Variants in PXDNL observed in about 807,000 individuals in gnomAD.
PXDNL encodes peroxidasin like, also known as probable oxidoreductase PXDNL.
In PXDNL, 145 loss-of-function variants were observed where a neutral mutation model predicts 150.8. The observed-to-expected ratio is 0.96, with a 90% CI of 0.84 to 1.10. The LOEUF (loss-of-function observed/expected upper bound fraction) is 1.10, where lower values mean the gene tolerates loss of function less well. PXDNL is among the 50% of genes least tolerant of loss of function. PXDNL has a pLI of 0.00. For missense variants in PXDNL, 2,087 were observed against 1,873.9 expected, an observed-to-expected ratio of 1.11 and a Z score of -2.10; for synonymous variants, 757 against 725.7, an observed-to-expected ratio of 1.04 and a Z score of -0.69.
At chr8:51,467,838 G>A (rs541340457) in intron 8 of PXDNL, among the ~76,000 whole-genome samples, 5 of 151,958 alleles carry the variant, frequency 3.3e-5, no homozygotes, top group Non-Finnish European at 2.9e-5. Flanking sequence ...ACTAACCTTC[G>A]TTCTGAGCTT....
intron 4 of PXDNL, among the ~76,000 whole-genome samples, chr8:51,516,729 A>T (rs1811549448): frequency 6.6e-6 from 1 of 152,150 alleles, no homozygotes; most frequent in Admixed American, 6.5e-5. Flanking sequence ...TACATCGTAA[A>T]TCATTCCTTG....
intron 1 of PXDNL, among the ~76,000 whole-genome samples, chr8:51,742,267 A>AG (rs1474770672): frequency 3.3e-5 from 5 of 152,182 alleles, no homozygotes; most frequent in African/African-American, 9.7e-5. Context: ...GGACTGTAAA[A>AG]GGGGGGCAGG....
At chr8:51,573,158 A>G (rs968746844) in intron 3 of PXDNL, among the ~76,000 whole-genome samples, 5 of 151,992 alleles carry the variant, frequency 3.3e-5, no homozygotes, top group African/African-American at 1.2e-4. Context: ...AGAAGAAACT[A>G]TGGTTGCACT....
At chr8:51,486,750 T>TTTTA (rs1414472367) in intron 5 of PXDNL, among the ~76,000 whole-genome samples, 7 of 36,336 alleles carry the variant, frequency 1.9e-4, no homozygotes, top group African/African-American at 7.6e-4. Context: ...GTTAAAAAGT[T>TTTTA]TATATATATA....
At chr8:51,748,993 G>A (rs995035017) in intron 1 of PXDNL, among the ~76,000 whole-genome samples, 6 of 152,116 alleles carry the variant, frequency 3.9e-5, no homozygotes, top group Non-Finnish European at 1.5e-5. Flanking sequence ...GAATTTGAAG[G>A]CGTAACTAGT....
At chr8:51,769,794 A>G (rs907286671) in intron 1 of PXDNL, among the ~76,000 whole-genome samples, 1 of 152,122 alleles carries the variant, frequency 6.6e-6, no homozygotes, top group African/African-American at 2.4e-5. Context: ...AACTCCCACC[A>G]TCTTTCTTAT....
chr8:51,660,820 C>A (rs1220112618), intron 1 of PXDNL, among the ~76,000 whole-genome samples: 1 of 152,160 alleles, frequency 6.6e-6, no homozygotes, highest in Non-Finnish European at 1.5e-5. Flanking sequence ...TGCACTCCTG[C>A]CCTGCAGCCC....
chr8:51,702,743 T>C (rs1816282463), intron 1 of PXDNL, among the ~76,000 whole-genome samples: 2 of 152,206 alleles, frequency 1.3e-5, no homozygotes, highest in South Asian at 4.1e-4. Context: ...ATTGTTATCA[T>C]GTTCCCAGAA....
intron 4 of PXDNL, among the ~76,000 whole-genome samples, chr8:51,514,129 A>C (rs1811483232): frequency 6.6e-6 from 1 of 152,224 alleles, no homozygotes; most frequent in South Asian, 2.1e-4. Context: ...GATGCTTGAA[A>C]TCCTGAGCAT....
chr8:51,586,194 A>G (rs1023969069), intron 3 of PXDNL, among the ~76,000 whole-genome samples: 16 of 152,176 alleles, frequency 1.1e-4, no homozygotes, highest in Non-Finnish European at 2.9e-5. Flanking sequence ...CGTGGAAAGC[A>G]CTCATCCCTG....
chr8:51,571,072 C>T (rs527634721), intron 3 of PXDNL, among the ~76,000 whole-genome samples: 1 of 151,174 alleles, frequency 6.6e-6, no homozygotes, highest in South Asian at 2.1e-4. Flanking sequence ...AAATTTTTCA[C>T]CCCTTATATC....
chr8:51,323,582 C>A (rs1044898454), intron 21 of PXDNL, among the ~76,000 whole-genome samples: 1 of 152,128 alleles, frequency 6.6e-6, no homozygotes, highest in African/African-American at 2.4e-5. Context: ...AACCACCACA[C>A]CCTGCTCTAA....
intron 4 of PXDNL, among the ~76,000 whole-genome samples, chr8:51,551,449 C>T (rs193300904): frequency 3.3e-5 from 5 of 152,170 alleles, no homozygotes; most frequent in Admixed American, 2.0e-4. Context: ...AATACCAAAA[C>T]GGCATGGTAC....
chr8:51,677,619 A>AT (rs1444829839), intron 1 of PXDNL, among the ~76,000 whole-genome samples: 4 of 152,234 alleles, frequency 2.6e-5, no homozygotes, highest in Admixed American at 1.3e-4. Flanking sequence ...TTAAAAATAA[A>AT]TGAGTAAATA....
intron 1 of PXDNL, among the ~76,000 whole-genome samples, chr8:51,781,702 G>C (rs1308435090): frequency 6.6e-6 from 1 of 152,208 alleles, no homozygotes; most frequent in Non-Finnish European, 1.5e-5. Context: ...TGTTACCACA[G>C]GGGAGAAACA....
intron 5 of PXDNL, among the ~76,000 whole-genome samples, chr8:51,484,856 G>C (rs1480393602): frequency 6.6e-6 from 1 of 152,186 alleles, no homozygotes; most frequent in African/African-American, 2.4e-5. Flanking sequence ...ACCAGCCAGG[G>C]ATTGTCTAGT....
intron 21 of PXDNL, among the ~76,000 whole-genome samples, chr8:51,336,811 G>A (rs1220538372): frequency 6.6e-6 from 1 of 152,180 alleles, no homozygotes; most frequent in Non-Finnish European, 1.5e-5. Flanking sequence ...GGGAACTGCT[G>A]CAACTTCTTT....
At chr8:51,754,247 T>C (rs1272314381) in intron 1 of PXDNL, among the ~76,000 whole-genome samples, 1 of 152,120 alleles carries the variant, frequency 6.6e-6, no homozygotes, top group African/African-American at 2.4e-5. Context: ...AAAATGTAGA[T>C]TGTCAGTGAA....
intron 1 of PXDNL, among the ~76,000 whole-genome samples, chr8:51,668,589 T>A (rs1018020558): frequency 3.3e-5 from 5 of 152,170 alleles, no homozygotes; most frequent in African/African-American, 1.2e-4. Flanking sequence ...CTACAACATG[T>A]CTGTACAAAT....
Sources: allele counts gnomAD v4.1 joint callset (sites outside exome capture counted in the v4.1 genomes callset), GRCh38; gene constraint gnomAD v4.1.1; transcripts MANE v1.5; gene names NCBI Gene and HGNC (gene_info 2026-07-23, HGNC 2026-07-21).